Variants in TES observed in about 807,000 individuals in gnomAD.
The protein encoded by TES is testin.
TES carries 41 observed loss-of-function variants against 48.2 expected under a neutral mutation model. The observed-to-expected ratio is 0.85, with a 90% CI of 0.66 to 1.10. The LOEUF (loss-of-function observed/expected upper bound fraction) is 1.10. TES is among the 50% of genes least tolerant of loss of function. The pLI, the probability that TES is intolerant of heterozygous loss-of-function variation, is 0.00. For missense variants in TES, 463 were observed against 515.1 expected, an observed-to-expected ratio of 0.90 and a Z score of 0.98; for synonymous variants, 162 against 174.9, an observed-to-expected ratio of 0.93 and a Z score of 0.58.
intron 1 of TES, chr7:116,211,114 C>T (rs975692916): frequency 8.8e-5 from 16 of 181,154 alleles, no homozygotes; most frequent in Non-Finnish European, 1.6e-4. Context: ...GTGACACTTC[C>T]TGGCTCAGGA....
intron 1 of TES, among the ~76,000 whole-genome samples, chr7:116,233,947 T>C (rs1301470951): frequency 6.6e-6 from 1 of 152,172 alleles, no homozygotes; most frequent in East Asian, 1.9e-4. Context: ...AACTGCCTAA[T>C]CATTTCATAA....
chr7:116,245,505 C>T (rs1799910081), intron 2 of TES, among the ~76,000 whole-genome samples: 1 of 152,144 alleles, frequency 6.6e-6, no homozygotes, highest in African/African-American at 2.4e-5. Context: ...ACTCATTCAA[C>T]AAGTCTCTAG....
chr7:116,250,006 T>C, intron 3 of TES, 155 bp from the exon 4 acceptor site: 1 of 457,534 alleles, frequency 2.2e-6, no homozygotes, highest in East Asian at 3.5e-5. Context: ...GTGTACCGTT[T>C]TTGAGTTTTA....
At chr7:116,242,233 C>G (rs1584623230) in intron 2 of TES, among the ~76,000 whole-genome samples, 1 of 152,116 alleles carries the variant, frequency 6.6e-6, no homozygotes, top group Middle Eastern at 3.2e-3. Flanking sequence ...CCTTCTTCCC[C>G]CCTCAGGAAG....
At chr7:116,227,914 C>A (rs972614603) in intron 1 of TES, among the ~76,000 whole-genome samples, 30 of 152,062 alleles carry the variant, frequency 2.0e-4, no homozygotes, top group African/African-American at 6.3e-4. Context: ...GATGATCTCA[C>A]CCTGAATACT....
At chr7:116,233,881 A>G (rs1028759734) in intron 1 of TES, among the ~76,000 whole-genome samples, 3 of 152,220 alleles carry the variant, frequency 2.0e-5, no homozygotes, top group African/African-American at 4.8e-5. Context: ...GATGGAAGAG[A>G]GGAACTCACT....
At position 116,249,151 on chromosome 7, in the gene TES, A is replaced by C. The variant is rs146641568; in HGVS notation, c.245A>C (p.Asp82Ala). 2 of 1,614,032 alleles carry C rather than the reference A, an allele frequency of 1.2e-6. No homozygotes were observed. Among genetic ancestry groups the C allele is most frequent in the Non-Finnish European group, 1.7e-6 (2 of 1,180,002 alleles). ...YTTLIAKLKS[D>A]GIPMYKRNVM... is the part of the protein sequence containing the mutation. ...ACTCTGATTGCAAAACTAAAGTCAGATGGAATTCCCATGTATAAACGCAAT... is the reference window on the plus strand; with the variant it reads ...ACTCTGATTGCAAAACTAAAGTCAGCTGGAATTCCCATGTATAAACGCAAT... The change falls in exon 3 of 7, where the codon GAT becomes GCT. Residue 82 changes from aspartate to alanine, a missense_variant. Physicochemically the swap from Asp to Ala is moderately radical, Grantham distance 126. Transcript: ENST00000358204.
Position 116,257,442 on chromosome 7 carries a change from T to C in TES, c.1226T>C (p.Met409Thr). The stretch of plus-strand genomic sequence containing the variant: ...CAGAAGTTCATGCCAGTAGAAGGGA[T>C]GGTTTTCTGTTCAGTGGAATGTAAG... ...IGQKFMPVEG[M>T]VFCSVECKKR... Residue 409 changes from methionine to threonine, a missense_variant, in exon 7 of 7, where the codon ATG becomes ACG. Transcript: ENST00000358204. 1 of 1,613,792 alleles carries C rather than the reference T, an allele frequency of 6.2e-7. No individual in the cohort carries two copies. The highest frequency in any genetic ancestry group is 8.5e-7 in the Non-Finnish European group (1 of 1,179,886).
Position 116,250,209 on chromosome 7 carries a change from G to A in TES, c.415G>A (p.Gly139Ser). The A allele has an allele frequency of 1.3e-6, 2 of 1,581,360 alleles. No homozygotes were observed. Among genetic ancestry groups the A allele is most frequent in the East Asian group, 2.3e-5 (1 of 44,290 alleles). ...MLPKEKQPVAGSEGAQYRKKQ... is the reference protein window; with the variant it reads ...MLPKEKQPVASSEGAQYRKKQ... ...ACCCAAGGAAAAGCAGCCAGTAGCA[G>A]GCTCAGAGGGGGCACAGTACCGGAA... The change falls in exon 4 of 7, where the codon GGC becomes AGC. Residue 139 changes from glycine (G) to serine (S), a missense_variant. By Grantham distance (56) the Gly-to-Ser change is moderately conservative. Coordinates refer to ENST00000358204, the MANE Select transcript of TES (RefSeq NM_015641.4).
chr7:116,227,800 C>T (rs971374916), intron 1 of TES, among the ~76,000 whole-genome samples: 2 of 151,992 alleles, frequency 1.3e-5, no homozygotes, highest in Non-Finnish European at 2.9e-5. Flanking sequence ...TATGATCTAC[C>T]TTCATTCCAA....
intron 4 of TES, chr7:116,251,465 G>C (rs911987627): frequency 6.8e-5 from 20 of 292,258 alleles, no homozygotes; most frequent in Non-Finnish European, 1.1e-4. Context: ...GGTGAATCAC[G>C]AGGTCAGGAG....
In TES at chr7:116,258,040, C is replaced by T. The variant is rs1218902179; in HGVS notation, c.*558C>T. 1 of 152,192 alleles carries T rather than the reference C, an allele frequency of 6.6e-6. No individual in the cohort carries two copies. The highest frequency in any genetic ancestry group is 1.9e-4 in the East Asian group (1 of 5,202). The allele number at this position is 152,192 out of a possible 1,614,324, so 9.4% of individuals were successfully genotyped here. ...TGCATTTACTCTTTCCTGATTTAGG[C>T]AGAGGTGGCATTTTCTTTATTGCAT... is the stretch of plus-strand genomic sequence containing the variant. On this transcript the variant is annotated 3_prime_UTR_variant, in exon 7 of 7. Coordinates refer to ENST00000358204, the MANE Select transcript of TES (RefSeq NM_015641.4).
chr7:116,234,085 A>G (rs891212276), intron 1 of TES, among the ~76,000 whole-genome samples: 2 of 152,098 alleles, frequency 1.3e-5, no homozygotes, highest in African/African-American at 4.8e-5. Context: ...AATAATATTT[A>G]TCATAATAAA....
At chr7:116,219,985 C>T (rs1044881778) in intron 1 of TES, among the ~76,000 whole-genome samples, 3 of 151,938 alleles carry the variant, frequency 2.0e-5, no homozygotes, top group African/African-American at 4.8e-5. Flanking sequence ...AAACATAGGC[C>T]TCTCCAAATT....
chr7:116,245,853 C>T (rs576320064), intron 2 of TES, among the ~76,000 whole-genome samples: 83 of 152,194 alleles, frequency 5.5e-4, no homozygotes, highest in Middle Eastern at 3.4e-3. Context: ...CATGGTGGAA[C>T]GCAAAGCAAA....
intron 6 of TES, among the ~76,000 whole-genome samples, chr7:116,253,506 C>T (rs961690098): frequency 3.3e-5 from 5 of 152,076 alleles, no homozygotes; most frequent in Non-Finnish European, 7.4e-5. Context: ...AAGCTACCCA[C>T]CATAATGATG....
intron 1 of TES, among the ~76,000 whole-genome samples, chr7:116,234,297 T>A (rs1337116608): frequency 1.3e-5 from 2 of 152,168 alleles, no homozygotes; most frequent in Non-Finnish European, 2.9e-5. Flanking sequence ...TAGTTTTCTA[T>A]ACAGTTATAT....
intron 1 of TES, among the ~76,000 whole-genome samples, chr7:116,228,841 TC>T (rs1439079377): frequency 6.6e-6 from 1 of 151,738 alleles, no homozygotes; most frequent in African/African-American, 2.4e-5. Flanking sequence ...TAGTTTAATT[TC>T]CTCATTATCT....
At chr7:116,232,134 T>C (rs1410666542) in intron 1 of TES, among the ~76,000 whole-genome samples, 10 of 152,202 alleles carry the variant, frequency 6.6e-5, no homozygotes, top group African/African-American at 2.4e-4. Context: ...GATGGTATTG[T>C]TCCAGGATGT....
Sources: gnomAD v4.1 joint callset for allele counts (sites outside exome capture counted in the v4.1 genomes callset) on GRCh38, gnomAD v4.1.1 for gene constraint, MANE v1.5 for transcripts, NCBI Gene and HGNC (gene_info 2026-07-23, HGNC 2026-07-21) for gene names.